DYNC2H1: variants seen among roughly 807,000 people sequenced by gnomAD.
DYNC2H1 encodes cytoplasmic dynein 2 heavy chain 1.
A neutral mutation model predicts 570.0 loss-of-function variants in DYNC2H1; 410 were observed. The ratio of observed to expected loss-of-function variants is 0.72; its 90% CI spans 0.66 to 0.78. The LOEUF (loss-of-function observed/expected upper bound fraction) is 0.78, where lower values mean the gene tolerates loss of function less well. Ranked by LOEUF, DYNC2H1 falls within the 30% of genes least tolerant of loss-of-function variation. DYNC2H1 has a pLI of 0.00. For synonymous variants in DYNC2H1, 1,688 were observed against 1,677.6 expected, an observed-to-expected ratio of 1.01 and a Z score of -0.15; for missense variants, 4,865 against 5,046.4, an observed-to-expected ratio of 0.96 and a Z score of 1.09.
intron 85 of DYNC2H1, among the ~76,000 whole-genome samples, chr11:103,451,839 AAAC>A (rs997065947): frequency 4.6e-5 from 7 of 152,212 alleles, no homozygotes; most frequent in African/African-American, 1.4e-4. Context: ...ATAATTATGT[AAAC>A]AATTTGCCAC....
At chr11:103,386,015 G>A (rs1221355770) in intron 83 of DYNC2H1, among the ~76,000 whole-genome samples, 1 of 152,114 alleles carries the variant, frequency 6.6e-6, no homozygotes, top group Non-Finnish European at 1.5e-5. Context: ...GAATACCTCT[G>A]TTCACATTCA....
At chr11:103,400,000 A>G (rs1942571259) in intron 84 of DYNC2H1, 128 bp downstream of exon 84, 1 of 735,880 alleles carries the variant, frequency 1.4e-6, no homozygotes, top group Non-Finnish European at 2.1e-6. Context: ...TAAGCCATAT[A>G]AAAATTAATT....
In DYNC2H1 at chr11:103,291,951, G is replaced by A. The variant is rs546745344; in HGVS notation, c.11095+4346G>A. 9.6e-4 allele frequency among the ~76,000 whole-genome samples: 146 copies of A among 152,028 alleles called. 1 individual carries two copies. Among genetic ancestry groups the A allele is most frequent in the African/African-American group, 3.2e-3 (132 of 41,494 alleles). On this transcript the variant is annotated intron_variant, in intron 75 of 88. Coordinates refer to ENST00000375735, the MANE Select transcript of DYNC2H1 (RefSeq NM_001377.3). ...TTTCAGTCTATATGAGTCTTTATATGTGAACTGAGTTTCTTGTAGGCAGCA... is the reference window on the plus strand; with the variant it reads ...TTTCAGTCTATATGAGTCTTTATATATGAACTGAGTTTCTTGTAGGCAGCA...
chr11:103,174,788 C>A (rs1331112486), intron 36 of DYNC2H1, among the ~76,000 whole-genome samples: 1 of 152,028 alleles, frequency 6.6e-6, no homozygotes, highest in African/African-American at 2.4e-5. Flanking sequence ...TAACCTTCAT[C>A]ACCTGGCTAT....
At chr11:103,473,443 A>AT (rs1033704488) in intron 88 of DYNC2H1, among the ~76,000 whole-genome samples, 1 of 152,032 alleles carries the variant, frequency 6.6e-6, no homozygotes, top group Non-Finnish European at 1.5e-5. Flanking sequence ...TAGCTAGAGG[A>AT]TTTTACCCAG....
intron 54 of DYNC2H1, among the ~76,000 whole-genome samples, chr11:103,214,909 G>A (rs1474607889): frequency 6.7e-6 from 1 of 149,632 alleles, no homozygotes; most frequent in Non-Finnish European, 1.5e-5. Context: ...TTTTTTTGTA[G>A]CTGCTGTAAA....
intron 73 of DYNC2H1, among the ~76,000 whole-genome samples, chr11:103,285,723 C>T (rs767108341): frequency 1.3e-5 from 2 of 151,910 alleles, no homozygotes; most frequent in Admixed American, 6.6e-5. Flanking sequence ...CTGTGCCCGG[C>T]TGAGAGGAGG....
At chr11:103,311,779 GA>G (rs1389066628) in intron 78 of DYNC2H1, 98 bp from the exon 79 acceptor site, 4 of 1,244,104 alleles carry the variant, frequency 3.2e-6, no homozygotes, top group African/African-American at 3.1e-5. Context: ...GGTAAGCAGT[GA>G]AAAATTTTCT....
chr11:103,111,607 T>A (rs564253550), intron 1 of DYNC2H1, among the ~76,000 whole-genome samples: 3 of 152,220 alleles, frequency 2.0e-5, no homozygotes, highest in African/African-American at 7.2e-5. Context: ...AAAGTTCGGA[T>A]AGAATGCAGT....
At chr11:103,116,235 G>A (rs1308690070) in intron 4 of DYNC2H1, among the ~76,000 whole-genome samples, 6 of 152,052 alleles carry the variant, frequency 3.9e-5, no homozygotes, top group African/African-American at 7.2e-5. Context: ...AAAGACATGC[G>A]AACTACAGTG....
Position 103,211,831 on chromosome 11 carries a change from C to T in DYNC2H1, c.8582C>T (p.Ser2861Phe). The change falls in exon 54 of 89, where the codon TCT becomes TTT. Residue 2861 changes from serine to phenylalanine, a missense_variant. Ser to Phe is a radical substitution (Grantham distance 155). Around this residue, in one of 5 missense-constraint regions of DYNC2H1, gnomAD observed 2,401 missense variants for 2,454.6 expected, o/e 0.98. Transcript: ENST00000375735. ...AAATCATTTTTATTAATCCATGAAT[C>T]TTGTAAAGCATATGGTGCTACACCA... is the stretch of plus-strand genomic sequence containing the variant. ...FLKSFLLIHE[S>F]CKAYGATPSR... The T allele has an allele frequency of 7.0e-7, 1 of 1,427,510 alleles. No homozygotes were observed. Among genetic ancestry groups the T allele is most frequent in the East Asian group, 2.7e-5 (1 of 36,826 alleles). 88.4% of individuals were successfully genotyped at this position (1,427,510 alleles called of 1,614,324 possible).
chr11:103,119,693 C>G (rs1164284571), intron 6 of DYNC2H1, among the ~76,000 whole-genome samples: 2 of 152,116 alleles, frequency 1.3e-5, no homozygotes, highest in Admixed American at 1.3e-4. Context: ...TCCAGCCCAG[C>G]CCATGTTGTA....
chr11:103,383,811 A>G (rs900661070), intron 83 of DYNC2H1, among the ~76,000 whole-genome samples: 6 of 152,154 alleles, frequency 3.9e-5, no homozygotes, highest in African/African-American at 9.7e-5. Context: ...ACTGAAGGCT[A>G]TATTACTGAG....
At chr11:103,115,324 G>A (rs186288567) in intron 4 of DYNC2H1, 29 bp downstream of exon 4, 2 of 1,450,980 alleles carry the variant, frequency 1.4e-6, no homozygotes, top group East Asian at 2.5e-5. Context: ...GTGATATATT[G>A]GGCTTCTTAT....
intron 22 of DYNC2H1, 76 bp downstream of exon 22, chr11:103,153,584 G>A: frequency 3.1e-6 from 4 of 1,276,636 alleles, no homozygotes; most frequent in Non-Finnish European, 4.3e-6. Flanking sequence ...ATTTTCTTAT[G>A]TCTGTTATCT....
chr11:103,274,380 A>G (rs755385229), intron 70 of DYNC2H1, among the ~76,000 whole-genome samples: 1 of 152,080 alleles, frequency 6.6e-6, no homozygotes. Flanking sequence ...CATCAAAACA[A>G]ATGAAAAGAA....
chr11:103,451,925 A>C (rs1400560485), intron 85 of DYNC2H1, among the ~76,000 whole-genome samples: 2 of 152,140 alleles, frequency 1.3e-5, no homozygotes, highest in African/African-American at 4.8e-5. Flanking sequence ...AATGGTATAT[A>C]TATAGATATA....
chr11:103,191,895 T>C (rs1022623164), intron 46 of DYNC2H1, among the ~76,000 whole-genome samples: 1 of 152,120 alleles, frequency 6.6e-6, no homozygotes, highest in Non-Finnish European at 1.5e-5. Flanking sequence ...CTAGAGATGA[T>C]AGTATTTAAT....
At chr11:103,128,714 C>G (rs1270318740) in intron 12 of DYNC2H1, among the ~76,000 whole-genome samples, 196 bp from the exon 13 acceptor site, 3 of 152,102 alleles carry the variant, frequency 2.0e-5, no homozygotes, top group African/African-American at 7.2e-5. Context: ...CATGACTTGG[C>G]AAATTGTAGG....
Sources: gnomAD v4.1 joint callset for allele counts (sites outside exome capture counted in the v4.1 genomes callset) on GRCh38, gnomAD v4.1.1 for gene constraint, gnomAD v4.1.1 regional missense constraint, MANE v1.5 for transcripts, NCBI Gene and HGNC (gene_info 2026-07-23, HGNC 2026-07-21) for gene names.